The following FAT3 variants were observed in gnomAD, a reference collection of about 807,000 sequenced individuals.
FAT3 encodes the protein FAT atypical cadherin 3.
Under a neutral mutation model 310.2 loss-of-function variants are expected in FAT3, and 95 were observed. The observed-to-expected ratio is 0.31, with a 90% CI of 0.26 to 0.36. The LOEUF (loss-of-function observed/expected upper bound fraction) is 0.36. FAT3 is among the 10% of genes least tolerant of loss of function. The probability of loss-of-function intolerance (pLI) is 1.00; values close to 1 mark genes in which losing one functional copy is unlikely to be tolerated. For synonymous variants in FAT3, 2,314 were observed against 2,192.9 expected (o/e 1.06, Z -1.54); for missense variants, 5,408 against 5,715.6 (o/e 0.95, Z 1.74).
intron 4 of FAT3, among the ~76,000 whole-genome samples, chr11:92,753,008 A>T (rs1945870231): frequency 6.6e-6 from 1 of 152,212 alleles, no homozygotes; most frequent in South Asian, 2.1e-4. Flanking sequence ...AAATATATTT[A>T]AGTATTTTTA....
intron 22 of FAT3, among the ~76,000 whole-genome samples, chr11:92,868,413 G>A (rs1402083725): frequency 6.6e-6 from 1 of 152,184 alleles, no homozygotes; most frequent in African/African-American, 2.4e-5. Context: ...TGTCTCAGCA[G>A]TGTATGTAAA....
chr11:92,231,324 T>C (rs548780082), intron 1 of FAT3, among the ~76,000 whole-genome samples: 1 of 152,216 alleles, frequency 6.6e-6, no homozygotes, highest in Non-Finnish European at 1.5e-5. Flanking sequence ...CTTAAAAAAA[T>C]TTGTAAAAAA....
intron 2 of FAT3, among the ~76,000 whole-genome samples, chr11:92,432,857 C>G (rs1047955802): frequency 6.6e-6 from 1 of 152,200 alleles, no homozygotes; most frequent in Non-Finnish European, 1.5e-5. Flanking sequence ...CTCAGGTGCT[C>G]TGTCCCAGGG....
intron 2 of FAT3, chr11:92,367,164 G>T: frequency 2.6e-6 from 1 of 380,232 alleles, no homozygotes; most frequent in South Asian, 2.2e-5. Context: ...CTGGGCTCAG[G>T]TTGGCATTGT....
At chr11:92,699,032 A>G (rs1372253673) in intron 4 of FAT3, among the ~76,000 whole-genome samples, 1 of 152,152 alleles carries the variant, frequency 6.6e-6, no homozygotes, top group Admixed American at 6.5e-5. Flanking sequence ...GAGGAAGAGT[A>G]TTTTCCAAGC....
rs142129117 is a variant in FAT3 at position 92,768,676 on chromosome 11, G to A, written c.4195+3587G>A. 5.5e-3 allele frequency among the ~76,000 whole-genome samples: 837 copies of A among 152,268 alleles called. 4 individuals are homozygous for A. Among genetic ancestry groups the A allele is most frequent in the South Asian group, 0.013 (61 of 4,822 alleles). On this transcript the variant is annotated intron_variant, in intron 6 of 27. Coordinates refer to ENST00000525166, the MANE Select transcript of FAT3 (RefSeq NM_001367949.2). ...TTTTTTGGCCAAGCTAACATACAGA[G>A]GAAAGAGGGAACAATGCGCCTCAAT...
At chr11:92,251,783 C>T (rs1192677355) in intron 1 of FAT3, among the ~76,000 whole-genome samples, 1 of 152,088 alleles carries the variant, frequency 6.6e-6, no homozygotes, top group Non-Finnish European at 1.5e-5. Context: ...ATGAACAAGA[C>T]AGATAAGGTC....
chr11:92,657,948 G>A (rs1023898787), intron 3 of FAT3, among the ~76,000 whole-genome samples: 1 of 151,992 alleles, frequency 6.6e-6, no homozygotes, highest in African/African-American at 2.4e-5. Flanking sequence ...AGCAATAGGA[G>A]CCATATATGT....
At chr11:92,595,554 CT>C (rs1939662474) in intron 3 of FAT3, among the ~76,000 whole-genome samples, 1 of 152,130 alleles carries the variant, frequency 6.6e-6, no homozygotes, top group Non-Finnish European at 1.5e-5. Context: ...TGAATTTGGT[CT>C]TTCTTTGATT....
intron 3 of FAT3, among the ~76,000 whole-genome samples, chr11:92,543,898 T>A (rs1386641816): frequency 1.3e-5 from 2 of 152,212 alleles, no homozygotes; most frequent in Non-Finnish European, 2.9e-5. Flanking sequence ...GGTCTGTCTG[T>A]CAGAGCACAC....
chr11:92,411,215 G>A (rs1950261666), intron 2 of FAT3, among the ~76,000 whole-genome samples: 1 of 147,966 alleles, frequency 6.8e-6, no homozygotes. Flanking sequence ...CTCTAGGCAA[G>A]TTAGACTGAC....
chr11:92,243,303 T>G (rs1257454845), intron 1 of FAT3, among the ~76,000 whole-genome samples: 1 of 152,082 alleles, frequency 6.6e-6, no homozygotes, highest in African/African-American at 2.4e-5. Flanking sequence ...CATTTGTCTC[T>G]GCTGTCATTG....
chr11:92,331,766 C>A (rs1408758199), intron 1 of FAT3, among the ~76,000 whole-genome samples: 1 of 152,178 alleles, frequency 6.6e-6, no homozygotes, highest in Middle Eastern at 3.4e-3. Flanking sequence ...TTCTTGATAC[C>A]CACTCATTTA....
chr11:92,315,512 T>TAGACAG (rs1947430614), intron 1 of FAT3, among the ~76,000 whole-genome samples: 4 of 56,172 alleles, frequency 7.1e-5, no homozygotes, highest in Non-Finnish European at 6.7e-5. Context: ...TATATATATA[T>TAGACAG]AGAGAGAGAG....
intron 4 of FAT3, among the ~76,000 whole-genome samples, chr11:92,722,493 G>T (rs1457346241): frequency 1.3e-5 from 2 of 152,180 alleles, no homozygotes. Flanking sequence ...CAGACACACA[G>T]TGCAAGCTGT....
intron 19 of FAT3, among the ~76,000 whole-genome samples, chr11:92,853,036 G>T (rs563014434): frequency 5.5e-4 from 84 of 152,320 alleles, no homozygotes; most frequent in Non-Finnish European, 1.0e-3. Flanking sequence ...CACACCCACT[G>T]GGCTTATTCT....
At chr11:92,837,923 T>C (rs1948447440) in intron 17 of FAT3, 117 bp downstream of exon 17, 2 of 1,251,690 alleles carry the variant, frequency 1.6e-6, no homozygotes. Flanking sequence ...CATCCCTTCA[T>C]AGGGCAGGTA....
chr11:92,636,653 G>T (rs1164152242), intron 3 of FAT3, among the ~76,000 whole-genome samples: 1 of 152,160 alleles, frequency 6.6e-6, no homozygotes, highest in South Asian at 2.1e-4. Flanking sequence ...GACAGCTATT[G>T]GGCTTTCTAT....
intron 1 of FAT3, among the ~76,000 whole-genome samples, chr11:92,292,546 G>A (rs1203116122): frequency 6.6e-6 from 1 of 152,076 alleles, no homozygotes; most frequent in African/African-American, 2.4e-5. Context: ...GGATGCTACA[G>A]TGTTTATTAA....
Sources: allele counts gnomAD v4.1 joint callset (sites outside exome capture counted in the v4.1 genomes callset), GRCh38; gene constraint gnomAD v4.1.1; transcripts MANE v1.5; gene names NCBI Gene and HGNC (gene_info 2026-07-23, HGNC 2026-07-21).